PCDHGA1: variants seen among roughly 807,000 people sequenced by gnomAD.
The protein encoded by PCDHGA1 is protocadherin gamma-A1.
A neutral mutation model predicts 58.0 loss-of-function variants in PCDHGA1; 32 were observed. The ratio of observed to expected loss-of-function variants is 0.55; its 90% CI spans 0.42 to 0.74. The LOEUF is 0.74. Among genes scored for constraint, PCDHGA1 ranks in the 30% least tolerant of loss-of-function variants. The pLI is 0.00. For synonymous variants in PCDHGA1, 498 were observed against 501.1 expected (o/e 0.99, Z 0.08); for missense variants, 1,205 against 1,182.3 (o/e 1.02, Z -0.28).
At chr5:141,395,110 G>A (rs2150602560) in intron 1 of PCDHGA1, 1 of 1,614,214 alleles carries the variant, frequency 6.2e-7, no homozygotes, top group Admixed American at 1.7e-5. Context: ...TCGCGGAAGA[G>A]TCACCTGATC....
rs2099394923 is a variant in PCDHGA1 at position 141,476,611 on chromosome 5, A to G, written c.2422-18196A>G. On this transcript the variant is annotated intron_variant, in intron 1 of 3. Coordinates refer to ENST00000517417, the MANE Select transcript of PCDHGA1 (RefSeq NM_018912.3). The surrounding 1 kb of genome is among the most constrained non-coding windows in gnomAD (Gnocchi z 7.6). ...AGAGCGCGCACGATCCCGATGTGGG[A>G]AGCAACTCTTTACAAACCTATGAGC... 6.2e-7 allele frequency: 1 copy of G among 1,614,092 alleles called. No individual in the cohort carries two copies. Among genetic ancestry groups the G allele is most frequent in the Non-Finnish European group, 8.5e-7 (1 of 1,180,042 alleles).
intron 2 of PCDHGA1, among the ~76,000 whole-genome samples, chr5:141,503,940 C>G (rs890249753): frequency 6.6e-6 from 1 of 152,218 alleles, no homozygotes; most frequent in Non-Finnish European, 1.5e-5. Flanking sequence ...TTCATGCCTT[C>G]AAGGCCTACC....
intron 1 of PCDHGA1, among the ~76,000 whole-genome samples, chr5:141,363,489 G>T (rs527713063): frequency 1.3e-5 from 2 of 152,304 alleles, no homozygotes; most frequent in Non-Finnish European, 1.5e-5. Flanking sequence ...CATGGATGAT[G>T]AAATAAAACC....
At position 141,381,228 on chromosome 5, in the gene PCDHGA1, A is replaced by G. The variant is rs182297381; in HGVS notation, c.2421+48123A>G. ...TCTGGATTCTCCTCCTGGTTCCACC[A>G]ACTACTCTCCAGGACCTAGAAGAAT... On this transcript the variant is annotated intron_variant, in intron 1 of 3. Transcript: ENST00000517417. Among the ~76,000 whole-genome samples, 8 of 152,396 alleles carry G rather than the reference A, an allele frequency of 5.2e-5. No individual in the cohort carries two copies. In the East Asian group the frequency reaches 1.5e-3, roughly 29 times the overall value.
Position 141,332,972 on chromosome 5 carries a change from C to G in PCDHGA1, c.2288C>G (p.Ser763Trp). ...YSHEVSLTAD[S>W]RKSHLIFPQP... ...CACGAGGTCTCCCTCACTGCGGACTCGCGGAAGAGCCACCTGATTTTCCCC... is the reference window on the plus strand; with the variant it reads ...CACGAGGTCTCCCTCACTGCGGACTGGCGGAAGAGCCACCTGATTTTCCCC... The change falls in exon 1 of 4, where the codon TCG becomes TGG. Residue 763 changes from serine to tryptophan, a missense_variant. Ser to Trp is a radical substitution (Grantham distance 177, BLOSUM62 -3). Transcript: ENST00000517417. The surrounding 1 kb of genome is among the most constrained non-coding windows in gnomAD (Gnocchi z 4.6). 4 of 1,614,206 alleles carry G rather than the reference C, an allele frequency of 2.5e-6. 1 individual carries two copies.
At chr5:141,457,568 T>A (rs1397626206) in intron 1 of PCDHGA1, among the ~76,000 whole-genome samples, 1 of 152,190 alleles carries the variant, frequency 6.6e-6, no homozygotes, top group African/African-American at 2.4e-5. Context: ...TGGAGCAAAA[T>A]TTTTCTCTCC....
At chr5:141,387,675 C>G in intron 1 of PCDHGA1, 1 of 729,278 alleles carries the variant, frequency 1.4e-6, no homozygotes, top group Non-Finnish European at 2.2e-6. Flanking sequence ...CAGATCTCCT[C>G]GCGCAGCCGC....
chr5:141,332,825 A>T lies in PCDHGA1; in HGVS notation c.2141A>T (p.His714Leu), dbSNP rs780622624. 2.9e-5 allele frequency: 47 copies of T among 1,614,072 alleles called. No individual in the cohort carries two copies. Among genetic ancestry groups the T allele is most frequent in the East Asian group, 1.3e-4 (6 of 44,888 alleles). ...FLAFVIVLLA[H>L]RLRRWHKSRL... ...GCCTTCGTCATCGTGCTGCTGGCGC[A>T]CAGGCTGCGGCGCTGGCACAAGTCA... is the stretch of plus-strand genomic sequence containing the variant. Residue 714 changes from histidine to leucine, a missense_variant, in exon 1 of 4, where the codon CAC becomes CTC. His to Leu is a moderately conservative substitution (Grantham distance 99). Transcript: ENST00000517417. The surrounding 1 kb of genome is among the most constrained non-coding windows in gnomAD (Gnocchi z 4.6).
intron 1 of PCDHGA1, chr5:141,372,483 GC>G (rs762661083): frequency 1.9e-6 from 3 of 1,614,028 alleles, no homozygotes; most frequent in Non-Finnish European, 2.5e-6. Flanking sequence ...AGTGGCGTTG[GC>G]CTTGATCTCA....
intron 1 of PCDHGA1, chr5:141,374,879 G>C (rs767481676): frequency 6.2e-7 from 1 of 1,613,694 alleles, no homozygotes; most frequent in Admixed American, 1.7e-5. Flanking sequence ...GGCAGTGACT[G>C]CCACCGACCA....
intron 1 of PCDHGA1, chr5:141,343,740 ATG>A (rs1199252881): frequency 1.4e-5 from 4 of 286,952 alleles, no homozygotes; most frequent in Admixed American, 9.6e-5. Flanking sequence ...AAAAATAATA[ATG>A]TGTCTGAGAG....
chr5:141,347,464 T>A (rs1179547636), intron 1 of PCDHGA1, among the ~76,000 whole-genome samples: 1 of 152,014 alleles, frequency 6.6e-6, no homozygotes, highest in African/African-American at 2.4e-5. Context: ...CTGTTATTCT[T>A]TTCATCTCAA....
intron 1 of PCDHGA1, chr5:141,362,021 C>T (rs1233254898): frequency 6.2e-7 from 1 of 1,607,220 alleles, no homozygotes; most frequent in South Asian, 1.1e-5. Flanking sequence ...GTGCGCACAG[C>T]GCGTGCCTTG....
rs746242389 is a variant in PCDHGA1 at position 141,491,254 on chromosome 5, G to C, written c.2422-3553G>C. 3 of 1,614,080 alleles carry C rather than the reference G, an allele frequency of 1.9e-6. No individual in the cohort carries two copies. In the African/African-American group the frequency reaches 4.0e-5, roughly 22 times the overall value. On this transcript the variant is annotated intron_variant, in intron 1 of 3. Transcript: ENST00000517417. This position sits in a 1 kb window ranked among gnomAD's most constrained non-coding sequence, Gnocchi z 6.9. ...GCTGGTTCTGGAGGATGAGGACCCT[G>C]AGGAAATGCCCAAATCCAGTGACTT...
chr5:141,492,492 G>A (rs896538392), intron 1 of PCDHGA1, among the ~76,000 whole-genome samples: 2 of 152,206 alleles, frequency 1.3e-5, no homozygotes, highest in African/African-American at 2.4e-5. Context: ...AGGACCAGGC[G>A]AGGACTCCGG....
At chr5:141,352,678 C>T in intron 1 of PCDHGA1, 1 of 1,570,902 alleles carries the variant, frequency 6.4e-7, no homozygotes, top group African/African-American at 1.4e-5. Flanking sequence ...ACGTGAGTTT[C>T]TGCAAATCTA....
chr5:141,359,281 T>A (rs1761165080), intron 1 of PCDHGA1, among the ~76,000 whole-genome samples: 1 of 152,142 alleles, frequency 6.6e-6, no homozygotes, highest in Non-Finnish European at 1.5e-5. Context: ...GCTCAATTGG[T>A]CTGAAACTGT....
rs147569184 is a variant in PCDHGA1 at position 141,340,396 on chromosome 5, G to C, written c.2421+7291G>C. 23 of 1,614,108 alleles carry C rather than the reference G, an allele frequency of 1.4e-5. No homozygotes were observed. In the African/African-American group the frequency reaches 2.8e-4, roughly 20 times the overall value. Reference sequence around the variant, plus strand: ...GAGGAGCCTCTGTCTTCTCAGTGACGGCCCATGACCCCGACAGCAACGACA... The same window carrying C: ...GAGGAGCCTCTGTCTTCTCAGTGACCGCCCATGACCCCGACAGCAACGACA... On this transcript the variant is annotated intron_variant, in intron 1 of 3. Transcript: ENST00000517417.
intron 1 of PCDHGA1, chr5:141,398,797 G>C (rs1338071296): frequency 1.2e-6 from 2 of 1,613,898 alleles, no homozygotes; most frequent in Non-Finnish European, 1.7e-6. Flanking sequence ...ACCCCTAAGC[G>C]GCACCACTGA....
Sources: allele counts gnomAD v4.1 joint callset (sites outside exome capture counted in the v4.1 genomes callset), GRCh38; gene constraint gnomAD v4.1.1; non-coding constraint Gnocchi (gnomAD v3.1); transcripts MANE v1.5; gene names NCBI Gene and HGNC (gene_info 2026-07-23, HGNC 2026-07-21).